OSBPL10: variants seen among roughly 807,000 people sequenced by gnomAD.
The protein encoded by OSBPL10 is oxysterol-binding protein-related protein 10.
OSBPL10 carries 49 observed loss-of-function variants against 81.7 expected under a neutral mutation model. The ratio of observed to expected loss-of-function variants is 0.60; its 90% confidence interval spans 0.48 to 0.76. The LOEUF is 0.76. OSBPL10 is among the 30% of genes least tolerant of loss of function. The pLI, the probability that OSBPL10 is intolerant of heterozygous loss-of-function variation, is 0.00. For missense variants in OSBPL10, 923 were observed against 987.8 expected, an observed-to-expected ratio of 0.93 and a Z score of 0.88; for synonymous variants, 419 against 383.6, an observed-to-expected ratio of 1.09 and a Z score of -1.08.
intron 3 of OSBPL10, among the ~76,000 whole-genome samples, chr3:31,830,888 T>C (rs1046494451): frequency 4.6e-5 from 7 of 152,192 alleles, no homozygotes; most frequent in Non-Finnish European, 7.3e-5. Flanking sequence ...TGTGGTAATA[T>C]ATAATCCAAA....
chr3:31,740,699 C>T (rs1163974041), intron 5 of OSBPL10, among the ~76,000 whole-genome samples: 1 of 151,536 alleles, frequency 6.6e-6, no homozygotes, highest in Non-Finnish European at 1.5e-5. Flanking sequence ...CCCAGAAGTT[C>T]AAGGCTAGAC....
intron 5 of OSBPL10, 49 bp from the exon 6 acceptor site, chr3:31,733,460 T>C (rs2125666804): frequency 1.2e-6 from 2 of 1,608,602 alleles, no homozygotes; most frequent in East Asian, 4.5e-5. Context: ...AATTAAACAT[T>C]TATAGCTCAT....
rs1559540251 is a variant in OSBPL10 at position 31,978,963 on chromosome 3, C to A, written c.281+1936G>T. 3.9e-5 allele frequency among the ~76,000 whole-genome samples: 6 copies of A among 152,132 alleles called. No individual in the cohort carries two copies. In the South Asian group the frequency reaches 1.2e-3, roughly 32 times the overall value. Reference sequence around the variant, plus strand: ...ATAACAAATCCTTTAATACAGACTGCAAGGTAAAATATTGTTCCCCAGCAA... The same window carrying A: ...ATAACAAATCCTTTAATACAGACTGAAAGGTAAAATATTGTTCCCCAGCAA... On this transcript the variant is annotated intron_variant, in intron 1 of 11. Transcript: ENST00000396556.
chr3:31,791,479 C>T (rs1231540923), intron 4 of OSBPL10, among the ~76,000 whole-genome samples: 1 of 152,184 alleles, frequency 6.6e-6, no homozygotes, highest in Non-Finnish European at 1.5e-5. Context: ...AGCCTTGCAT[C>T]ATTTTTATAA....
chr3:31,802,299 T>C (rs1488962370), intron 4 of OSBPL10, among the ~76,000 whole-genome samples: 1 of 151,574 alleles, frequency 6.6e-6, no homozygotes, highest in Non-Finnish European at 1.5e-5. Flanking sequence ...GACTCACACC[T>C]GTAATCCCAG....
At chr3:32,030,162 G>A in intron 2 of OSBPL10, 2 of 217,406 alleles carry the variant, frequency 9.2e-6, no homozygotes, top group Non-Finnish European at 1.9e-5. Context: ...GCTTCCTTTC[G>A]GCCAGAACCG....
intron 4 of OSBPL10, among the ~76,000 whole-genome samples, chr3:31,818,069 GCACTCCAGCCTGAGTGA>G (rs1699889974): frequency 6.6e-6 from 1 of 152,158 alleles, no homozygotes; most frequent in Admixed American, 6.5e-5. Flanking sequence ...TCGTGCCACT[GCACTCCAGCCTGAGTGA>G]CACAGGGAGA....
intron 7 of OSBPL10, among the ~76,000 whole-genome samples, chr3:31,686,372 G>T (rs965480454): frequency 1.3e-5 from 2 of 152,196 alleles, no homozygotes; most frequent in Non-Finnish European, 2.9e-5. Context: ...TGCTAGAGAG[G>T]TAAAGCTTGG....
At chr3:31,721,831 C>T (rs1030393410) in intron 6 of OSBPL10, among the ~76,000 whole-genome samples, 1 of 152,186 alleles carries the variant, frequency 6.6e-6, no homozygotes, top group South Asian at 2.1e-4. Context: ...AGGCATTGAG[C>T]TGGACATTAG....
rs546764894 is a variant in OSBPL10 at position 31,932,515 on chromosome 3, C to T, written c.281+48384G>A. 2.0e-5 allele frequency among the ~76,000 whole-genome samples: 3 copies of T among 152,232 alleles called. No individual in the cohort carries two copies. In the East Asian group the frequency reaches 5.8e-4, roughly 29 times the overall value. On this transcript the variant is annotated intron_variant, in intron 1 of 11. Coordinates refer to ENST00000396556, the MANE Select transcript of OSBPL10 (RefSeq NM_017784.5). ...TGGTTTCCCTATGATTTAAATTTAA[C>T]GAACACCTTGTCTCCACAAACCCAC...
intron 2 of OSBPL10, among the ~76,000 whole-genome samples, chr3:31,988,456 A>C (rs1698973680): frequency 6.6e-6 from 1 of 152,220 alleles, no homozygotes; most frequent in Non-Finnish European, 1.5e-5. Context: ...AGCTATGCCT[A>C]TAGATTCCTC....
intron 7 of OSBPL10, among the ~76,000 whole-genome samples, chr3:31,700,073 C>G (rs889019976): frequency 1.3e-5 from 2 of 152,098 alleles, no homozygotes; most frequent in Non-Finnish European, 2.9e-5. Context: ...AACAGTTCTA[C>G]CTCTTTCCCT....
In OSBPL10 at chr3:31,668,817, C is replaced by A. The variant is rs190906559; in HGVS notation, c.1921G>T (p.Ala641Ser). Residue 641 changes from alanine (A) to serine (S), a missense_variant, in exon 10 of 12, where the codon GCA (alanine) becomes TCA (serine). This residue lies in a region of OSBPL10 where 387 missense variants were observed against 436.3 expected (regional missense o/e 0.89). Coordinates refer to ENST00000396556, the MANE Select transcript of OSBPL10 (RefSeq NM_017784.5). ...FYGGKVHRVT[A>S]EVKHNPTNTI... ...TTGGTTGGGTTGTGCTTCACTTCTGCGGTAACCCTGAATTAATGAGTCAAA... is the reference window on the plus strand; with the variant it reads ...TTGGTTGGGTTGTGCTTCACTTCTGAGGTAACCCTGAATTAATGAGTCAAA... The A allele has an allele frequency of 6.2e-7, 1 of 1,606,074 alleles. No individual in the cohort carries two copies. The highest frequency in any genetic ancestry group is 1.3e-5 in the African/African-American group (1 of 74,776).
chr3:31,835,438 A>C (rs1190925845), intron 3 of OSBPL10, among the ~76,000 whole-genome samples: 1 of 152,214 alleles, frequency 6.6e-6, no homozygotes. Flanking sequence ...GCTAGAATTA[A>C]AAGGAGGCAA....
In OSBPL10 at chr3:31,670,856, A is replaced by T; in HGVS notation, c.1854T>A (p.Thr618=). The change falls in exon 9 of 12, where the codon ACT becomes ACA. Residue 618 remains threonine (T), a synonymous_variant. Transcript: ENST00000396556. The part of the protein sequence containing the change: ...GGKVSINCAK[T]GYSATVIFHT... Reference sequence around the variant, plus strand: ...GGAATATCACTGTCGCTGAGTACCCAGTCTTGGCACAGTTGATGCTGACTT... The same window carrying T: ...GGAATATCACTGTCGCTGAGTACCCTGTCTTGGCACAGTTGATGCTGACTT... 6.2e-7 allele frequency: 1 copy of T among 1,614,160 alleles called. No individual in the cohort carries two copies. Among genetic ancestry groups the T allele is most frequent in the Non-Finnish European group, 8.5e-7 (1 of 1,180,022 alleles).
At chr3:31,701,012 C>G (rs1695876702) in intron 7 of OSBPL10, among the ~76,000 whole-genome samples, 2 of 152,128 alleles carry the variant, frequency 1.3e-5, no homozygotes, top group South Asian at 4.1e-4. Context: ...GTGGTGCAGT[C>G]TCCCAGAATA....
chr3:31,839,010 G>T (rs1487709195), intron 3 of OSBPL10, among the ~76,000 whole-genome samples: 1 of 152,112 alleles, frequency 6.6e-6, no homozygotes, highest in Non-Finnish European at 1.5e-5. Context: ...CCTTTCTCAG[G>T]CCAGAGATGG....
intron 1 of OSBPL10, among the ~76,000 whole-genome samples, chr3:31,886,282 C>T (rs956552374): frequency 1.3e-5 from 2 of 152,140 alleles, no homozygotes; most frequent in African/African-American, 2.4e-5. Flanking sequence ...AATGACTGAG[C>T]AGCATACCTT....
intron 2 of OSBPL10, among the ~76,000 whole-genome samples, chr3:32,041,936 T>A (rs4365661): frequency 0.036 from 5,532 of 152,232 alleles, 272 homozygotes; most frequent in African/African-American, 0.11. Context: ...CTAAGATTAC[T>A]GGTGTGAGCC....
Sources: gnomAD v4.1 joint callset for allele counts (sites outside exome capture counted in the v4.1 genomes callset) on GRCh38, gnomAD v4.1.1 for gene constraint, gnomAD v4.1.1 regional missense constraint, MANE v1.5 for transcripts, NCBI Gene and HGNC (gene_info 2026-07-23, HGNC 2026-07-21) for gene names.